The following GTF3C1 variants were observed in gnomAD, a reference collection of about 807,000 sequenced individuals.
GTF3C1 encodes the protein general transcription factor IIIC subunit 1, also known as general transcription factor 3C polypeptide 1.
A neutral mutation model predicts 226.7 loss-of-function variants in GTF3C1; 57 were observed. The observed-to-expected ratio is 0.25, with a 90% CI of 0.20 to 0.31. The LOEUF (loss-of-function observed/expected upper bound fraction) is 0.31, where lower values mean the gene tolerates loss of function less well. GTF3C1 is among the 10% of genes least tolerant of loss of function. GTF3C1 has a pLI of 1.00. For missense variants in GTF3C1, 2,217 were observed against 2,776.1 expected (o/e 0.80, Z 4.53); for synonymous variants, 1,090 against 1,084.8 (o/e 1.00, Z -0.09).
chr16:27,523,988 T>G (rs2088791492), intron 6 of GTF3C1, among the ~76,000 whole-genome samples: 1 of 152,212 alleles, frequency 6.6e-6, no homozygotes, highest in East Asian at 1.9e-4. Context: ...GTCTGTGCTG[T>G]AAGTCATGCT....
At chr16:27,538,999 C>A (rs949531928) in intron 2 of GTF3C1, among the ~76,000 whole-genome samples, 1 of 142,950 alleles carries the variant, frequency 7.0e-6, no homozygotes, top group African/African-American at 2.7e-5. Context: ...CACACACACA[C>A]TCATCTTTTT....
At chr16:27,499,644 ACCCTGCCCCCAC>A (rs1411224877) in intron 12 of GTF3C1, among the ~76,000 whole-genome samples, 1 of 152,134 alleles carries the variant, frequency 6.6e-6, no homozygotes, top group African/African-American at 2.4e-5. Context: ...AATAAGGACC[ACCCTGCCCCCAC>A]CCCCAACCAC....
Position 27,492,278 on chromosome 16 carries a change from C to T in GTF3C1, c.3151+60G>A. ...CCTAGGCTTTTCTAGCCCTAAATCCCAGTTAGCACACAGAAAGGAGCAAAA... is the reference window on the plus strand; with the variant it reads ...CCTAGGCTTTTCTAGCCCTAAATCCTAGTTAGCACACAGAAAGGAGCAAAA... On this transcript the variant is annotated intron_variant, in intron 19 of 36. Coordinates refer to ENST00000356183, the MANE Select transcript of GTF3C1 (RefSeq NM_001520.4). The surrounding 1 kb of genome is among the most constrained non-coding windows in gnomAD (Gnocchi z 5.0). 2 of 990,494 alleles carry T rather than the reference C, an allele frequency of 2.0e-6. No homozygotes were observed. The highest frequency in any genetic ancestry group is 3.1e-6 in the Non-Finnish European group (2 of 644,376). The allele number at this position is 990,494 out of a possible 1,614,324, so 61.4% of individuals were successfully genotyped here.
intron 6 of GTF3C1, among the ~76,000 whole-genome samples, chr16:27,518,750 T>A (rs1010662301): frequency 6.6e-6 from 1 of 152,168 alleles, no homozygotes; most frequent in African/African-American, 2.4e-5. Flanking sequence ...GGAAGGACAA[T>A]GTGCTCAGGC....
At chr16:27,499,826 T>C (rs2088378271) in intron 12 of GTF3C1, among the ~76,000 whole-genome samples, 1 of 152,160 alleles carries the variant, frequency 6.6e-6, no homozygotes, top group Non-Finnish European at 1.5e-5. Flanking sequence ...CAGCTCCAGC[T>C]CACATGGCCC....
intron 6 of GTF3C1, among the ~76,000 whole-genome samples, chr16:27,520,621 GT>G (rs1295383212): frequency 5.9e-5 from 9 of 152,186 alleles, no homozygotes; most frequent in African/African-American, 1.9e-4. Flanking sequence ...GTTTACAAGG[GT>G]TTAGAAAATT....
In GTF3C1 at chr16:27,464,823, T is replaced by C. The variant is rs1442515324; in HGVS notation, c.5369A>G (p.Gln1790Arg). ...FADCIQALLE[Q>R]HQVLEVGGNT... ...GCCACCGACCTCCAGCACCTGATGC[T>C]GCTCCAGGAGGGCCTGGGGAGGCAG... Residue 1790 changes from glutamine (Q) to arginine (R), a missense_variant, in exon 34 of 37, where the codon CAG (glutamine) becomes CGG (arginine). Gln to Arg is a conservative substitution (Grantham distance 43, BLOSUM62 1). Around this residue, in one of 12 missense-constraint regions of GTF3C1, gnomAD observed 455 missense variants for 441.9 expected, o/e 1.03. Transcript: ENST00000356183. The C allele has an allele frequency of 5.3e-6, 8 of 1,513,724 alleles. No homozygotes were observed. Among genetic ancestry groups the C allele is most frequent in the Non-Finnish European group, 7.0e-6 (8 of 1,140,640 alleles). The allele number at this position is 1,513,724 out of a possible 1,614,324, so 93.8% of individuals were successfully genotyped here. A position where few individuals can be genotyped will look rare whatever the true frequency, so the allele number is the denominator to read the frequency against.
chr16:27,515,210 C>T (rs1038895404), intron 6 of GTF3C1, among the ~76,000 whole-genome samples: 5 of 152,034 alleles, frequency 3.3e-5, no homozygotes, highest in African/African-American at 9.7e-5. Flanking sequence ...TTTGGGAGGC[C>T]GAGGTGGGCA....
chr16:27,516,202 G>A (rs1238663613), intron 6 of GTF3C1, among the ~76,000 whole-genome samples: 2 of 152,212 alleles, frequency 1.3e-5, no homozygotes, highest in Admixed American at 6.5e-5. Context: ...CTAGAGACTC[G>A]TGCGAAGGCG....
Position 27,470,049 on chromosome 16 carries a change from G to A in GTF3C1, c.4814+59C>T, listed in dbSNP as rs754642059. Reference sequence around the variant, plus strand: ...AGGCACTGCTGACCCCTGCCCGTCTGTATCTGGCCAATGCCTAGCACGTGG... The same window carrying A: ...AGGCACTGCTGACCCCTGCCCGTCTATATCTGGCCAATGCCTAGCACGTGG... On this transcript the variant is annotated intron_variant, in intron 31 of 36. Transcript: ENST00000356183. This position sits in a 1 kb window ranked among gnomAD's most constrained non-coding sequence, Gnocchi z 4.9. The A allele has an allele frequency of 3.6e-6, 5 of 1,403,922 alleles. No homozygotes were observed. The highest frequency in any genetic ancestry group is 5.0e-6 in the Non-Finnish European group (5 of 1,010,016). The allele number at this position is 1,403,922 out of a possible 1,614,324, so 87.0% of individuals were successfully genotyped here. A position where few individuals can be genotyped will look rare whatever the true frequency, so the allele number is the denominator to read the frequency against.
intron 2 of GTF3C1, among the ~76,000 whole-genome samples, chr16:27,542,807 A>G (rs1386964737): frequency 6.6e-6 from 1 of 152,166 alleles, no homozygotes; most frequent in Admixed American, 6.5e-5. Context: ...ACCTTCCACC[A>G]TGCTATAAGG....
rs1218227243 is a variant in GTF3C1 at position 27,545,452 on chromosome 16, T to C, written c.293A>G (p.Tyr98Cys). 1 of 1,611,988 alleles carries C rather than the reference T, an allele frequency of 6.2e-7. No homozygotes were observed. The highest frequency in any genetic ancestry group is 8.5e-7 in the Non-Finnish European group (1 of 1,178,074). The change falls in exon 2 of 37, where the codon TAC (tyrosine) becomes TGC (cysteine). Residue 98 changes from tyrosine (Y) to cysteine (C), a missense_variant. By Grantham distance (194) the Tyr-to-Cys change is radical. Transcript: ENST00000356183. ...RRDPVALEDV[Y>C]PIHMILENKD... ...ATTCTCTAAGATCATATGAATGGGG[T>C]AGACATCCTCCAAAGCCACCGGGTC...
At chr16:27,522,170 T>C (rs2088760113) in intron 6 of GTF3C1, among the ~76,000 whole-genome samples, 1 of 152,262 alleles carries the variant, frequency 6.6e-6, no homozygotes, top group Non-Finnish European at 1.5e-5. Context: ...TACAAGTCAA[T>C]GGTTTCTTAC....
chr16:27,477,701 CTT>C (rs765343019), intron 28 of GTF3C1, among the ~76,000 whole-genome samples: 3 of 152,152 alleles, frequency 2.0e-5, no homozygotes, highest in Non-Finnish European at 2.9e-5. Context: ...TTAATCAACT[CTT>C]TGTTATTGAT....
Position 27,507,867 on chromosome 16 carries a change from C to T in GTF3C1, c.1242+673G>A, listed in dbSNP as rs1012473804. 2.0e-5 allele frequency among the ~76,000 whole-genome samples: 3 copies of T among 152,366 alleles called. No individual in the cohort carries two copies. Among genetic ancestry groups the T allele is most frequent in the Non-Finnish European group, 2.9e-5 (2 of 68,038 alleles). On this transcript the variant is annotated intron_variant, in intron 8 of 36. Coordinates refer to ENST00000356183, the MANE Select transcript of GTF3C1 (RefSeq NM_001520.4). The surrounding 1 kb of genome is among the most constrained non-coding windows in gnomAD (Gnocchi z 4.9). ...ATGTCCCCAGGTGCCAGGCAAGTAA[C>T]ATGCATAAGAAGGAGGGCCAAGTGG...
rs554509437 is a variant in GTF3C1, at chr16:27,464,649, T to C, written c.5543A>G (p.Glu1848Gly). 2.0e-6 allele frequency: 3 copies of C among 1,519,736 alleles called. No homozygotes were observed. The highest frequency in any genetic ancestry group is 2.8e-5 in the African/African-American group (2 of 70,896). The allele number at this position is 1,519,736 out of a possible 1,614,324, so 94.1% of individuals were successfully genotyped here. A position where few individuals can be genotyped will look rare whatever the true frequency, so the allele number is the denominator to read the frequency against. ...EGSSSEDSPP[E>G]GQAPPSHSPR... ...GCTGTGAGAAGGAGGTGCCTGCCCC[T>C]CGGGGGGGCTGTCCTCACTGGAAGA... is the stretch of plus-strand genomic sequence containing the variant. The change falls in exon 34 of 37, where the codon GAG becomes GGG. Residue 1848 changes from glutamate (E) to glycine (G), a missense_variant. By Grantham distance (98) the Glu-to-Gly change is moderately conservative. Around this residue, in one of 12 missense-constraint regions of GTF3C1, gnomAD observed 455 missense variants for 441.9 expected, o/e 1.03. Coordinates refer to ENST00000356183, the MANE Select transcript of GTF3C1 (RefSeq NM_001520.4).
intron 6 of GTF3C1, among the ~76,000 whole-genome samples, chr16:27,517,878 G>A (rs1410848894): frequency 6.6e-6 from 1 of 152,142 alleles, no homozygotes; most frequent in African/African-American, 2.4e-5. Context: ...TTCCACACTA[G>A]GCCACCTGGC....
At chr16:27,523,574 C>T (rs1381721385) in intron 6 of GTF3C1, among the ~76,000 whole-genome samples, 2 of 152,078 alleles carry the variant, frequency 1.3e-5, no homozygotes, top group Admixed American at 6.6e-5. Context: ...CTCCTGCGCA[C>T]GGAAAGTAAC....
rs2088250337 is a variant in GTF3C1, at chr16:27,492,622, C to T, written c.2968G>A (p.Asp990Asn). 6.3e-7 allele frequency: 1 copy of T among 1,589,196 alleles called. No homozygotes were observed. The highest frequency in any genetic ancestry group is 1.1e-5 in the South Asian group (1 of 90,574). ...TTGGGCTTGAGGGACATTACCTGAT[C>T]TTTATCCTGAAACTTTTCCGTGGGA... ...FGPTEKFQDK[D>N]QVFIFLKKNA... Residue 990 changes from aspartate to asparagine, a missense_variant, in exon 18 of 37, where the codon GAT becomes AAT. Around this residue, in one of 12 missense-constraint regions of GTF3C1, gnomAD observed 353 missense variants for 411.7 expected, o/e 0.86. Transcript: ENST00000356183. This position sits in a 1 kb window ranked among gnomAD's most constrained non-coding sequence, Gnocchi z 5.0.
Sources: gnomAD v4.1 joint callset for allele counts (sites outside exome capture counted in the v4.1 genomes callset) on GRCh38, gnomAD v4.1.1 for gene constraint, gnomAD v4.1.1 regional missense constraint, Gnocchi (gnomAD v3.1) non-coding constraint, MANE v1.5 for transcripts, NCBI Gene and HGNC (gene_info 2026-07-23, HGNC 2026-07-21) for gene names.